The following COL1A1 variants were observed in gnomAD, a reference collection of about 807,000 sequenced individuals.
COL1A1 encodes the protein collagen alpha-1(I) chain.
COL1A1 carries 21 observed loss-of-function variants against 195.7 expected under a neutral mutation model. That is an observed-to-expected ratio of 0.11 (90% CI 0.08 to 0.15). COL1A1 has a LOEUF of 0.15. Ranked by LOEUF, COL1A1 falls within the 10% of genes least tolerant of loss-of-function variation. The pLI is 1.00. For missense variants in COL1A1, 1,365 were observed against 2,051.0 expected, an observed-to-expected ratio of 0.67 and a Z score of 6.46; for synonymous variants, 749 against 747.3, an observed-to-expected ratio of 1.00 and a Z score of -0.04.
At position 50,195,085 on chromosome 17, in the gene COL1A1, G is replaced by T; in HGVS notation, c.1315C>A (p.Pro439Thr). 6.2e-7 allele frequency: 1 copy of T among 1,613,770 alleles called. No individual in the cohort carries two copies. Among genetic ancestry groups the T allele is most frequent in the Non-Finnish European group, 8.5e-7 (1 of 1,179,854 alleles). The stretch of plus-strand genomic sequence containing the variant: ...GCACCAGTGTCTCCTTTGCTGCCAG[G>T]AGCACCAGGTTCACCCTGCAAGGGG... ...PKGNSGEPGA[P>T]GSKGDTGAKG... The change falls in exon 20 of 51, where the codon CCT becomes ACT. Residue 439 changes from proline to threonine, a missense_variant. Coordinates refer to ENST00000225964, the MANE Select transcript of COL1A1 (RefSeq NM_000088.4). This position sits in a 1 kb window ranked among gnomAD's most constrained non-coding sequence, Gnocchi z 4.3.
chr17:50,185,545 T>A lies in COL1A1; in HGVS notation c.4352A>T (p.Asp1451Val). The change falls in exon 51 of 51, where the codon GAC becomes GTC. Residue 1451 changes from aspartate to valine, a missense_variant. Transcript: ENST00000225964. ...DVAPLDVGAPDQEFGFDVGPV... is the reference protein window; with the variant it reads ...DVAPLDVGAPVQEFGFDVGPV... ...GCCAACGTCGAAGCCGAATTCCTGG[T>A]CTGGGGCACCAACGTCCAAGGGGGC... The A allele has an allele frequency of 2.5e-6, 4 of 1,613,550 alleles. No homozygotes were observed. Among genetic ancestry groups the A allele is most frequent in the Non-Finnish European group, 3.4e-6 (4 of 1,179,910 alleles).
Position 50,186,621 on chromosome 17 carries a change from G to A in COL1A1, c.3814+19C>T, listed in dbSNP as rs780452624. On this transcript the variant is annotated intron_variant, in intron 48 of 50. Transcript: ENST00000225964. The surrounding 1 kb of genome is among the most constrained non-coding windows in gnomAD (Gnocchi z 5.3). ...ATGGCAGGAGTAGGAGGGAGGGAGA[G>A]GCTAGGGCAGGCCCTCACCACTCTT... The A allele has an allele frequency of 4.2e-5, 67 of 1,613,266 alleles. No homozygotes were observed. Among genetic ancestry groups the A allele is most frequent in the Non-Finnish European group, 5.6e-5 (66 of 1,180,012 alleles).
chr17:50,196,887 C>T, intron 11 of COL1A1, 123 bp downstream of exon 11: 1 of 1,224,860 alleles, frequency 8.2e-7, no homozygotes. Flanking sequence ...ACTCTCTGTC[C>T]CTTGGGACTT....
chr17:50,192,624 A>G lies in COL1A1; in HGVS notation c.1929+16T>C. ...TACCCCTACCTCCCAGCATCCTGAC[A>G]GCCATGAGGCCTCACCTGGAATCCG... On this transcript the variant is annotated intron_variant, in intron 28 of 50. Transcript: ENST00000225964. 3 of 1,614,186 alleles carry G rather than the reference A, an allele frequency of 1.9e-6. No homozygotes were observed. The highest frequency in any genetic ancestry group is 2.5e-6 in the Non-Finnish European group (3 of 1,180,022).
At position 50,186,126 on chromosome 17, in the gene COL1A1, A is replaced by G. The variant is rs541171287; in HGVS notation, c.4006-106T>C. 6.4e-7 allele frequency: 1 copy of G among 1,560,018 alleles called. No homozygotes were observed. The highest frequency in any genetic ancestry group is 2.3e-5 in the East Asian group (1 of 43,754). On this transcript the variant is annotated intron_variant, in intron 49 of 50. Coordinates refer to ENST00000225964, the MANE Select transcript of COL1A1 (RefSeq NM_000088.4). The surrounding 1 kb of genome is among the most constrained non-coding windows in gnomAD (Gnocchi z 5.3). The stretch of plus-strand genomic sequence containing the variant: ...TCAGAGAGCTGCCCAATGCACCGTT[A>G]TATCGAGAGGAGGCACCACCTGCCC...
rs1906414916 is a variant in COL1A1 at position 50,185,505 on chromosome 17, C to T, written c.4392G>A (p.Leu1464=). 4 of 1,613,346 alleles carry T rather than the reference C, an allele frequency of 2.5e-6. No homozygotes were observed. Among genetic ancestry groups the T allele is most frequent in the Non-Finnish European group, 3.4e-6 (4 of 1,179,952 alleles). Residue 1464 remains leucine, a synonymous_variant, in exon 51 of 51, where the codon CTG becomes CTA. Coordinates refer to ENST00000225964, the MANE Select transcript of COL1A1 (RefSeq NM_000088.4). ...GCCAGGTTGGGATGGAGGGAGTTTA[C>T]AGGAAGCAGACAGGGCCAACGTCGA... ...FGFDVGPVCF[L] is the part of the protein sequence containing the mutation.
rs754555549 is a variant in COL1A1, at chr17:50,185,787, A to G, written c.4239T>C (p.Asp1413=). Residue 1413 remains aspartate, a synonymous_variant, in exon 50 of 51, where the codon GAT becomes GAC. Coordinates refer to ENST00000225964, the MANE Select transcript of COL1A1 (RefSeq NM_000088.4). Reference sequence around the variant, plus strand: ...GATTCTGGGCACTCACCGTGCAGCCATCGACAGTGACGCTGTAGGTGAAGC... The same window carrying G: ...GATTCTGGGCACTCACCGTGCAGCCGTCGACAGTGACGCTGTAGGTGAAGC... ...NSRFTYSVTV[D]GCTSHTGAWG... 7.4e-6 allele frequency: 12 copies of G among 1,613,744 alleles called. No individual in the cohort carries two copies. Among genetic ancestry groups the G allele is most frequent in the Admixed American group, 3.3e-5 (2 of 60,018 alleles).
rs780678795 is a variant in COL1A1, at chr17:50,198,166, C to T, written c.583G>A (p.Ala195Thr). Residue 195 changes from alanine to threonine, a missense_variant, in exon 7 of 51, where the codon GCA becomes ACA. By Grantham distance (58) the Ala-to-Thr change is moderately conservative. This residue lies in a region of COL1A1 where 226 missense variants were observed against 372.9 expected (regional missense o/e 0.61). Transcript: ENST00000225964. ...AAGACGTCCTGGATACTCACAGGTG[C>T]ACCAGGGGGGCCAGGGAGACCACGA... Reference protein sequence around the residue: ...GPRGLPGPPGAPGPQGFQGPP... With the variant: ...GPRGLPGPPGTPGPQGFQGPP... 2 of 1,614,096 alleles carry T rather than the reference C, an allele frequency of 1.2e-6. No individual in the cohort carries two copies. Among genetic ancestry groups the T allele is most frequent in the Admixed American group, 3.3e-5 (2 of 60,028 alleles).
At position 50,196,326 on chromosome 17, in the gene COL1A1, G is replaced by T. The variant is rs780242725; in HGVS notation, c.945C>A (p.Ala315=). 6 of 1,609,732 alleles carry T rather than the reference G, an allele frequency of 3.7e-6. No homozygotes were observed. In the East Asian group the frequency reaches 1.3e-4, roughly 36 times the overall value. The stretch of plus-strand genomic sequence containing the variant: ...CAGGAGTACTTACAGCAGGGCCAGG[G>T]GCTCCAGGGCGACCTCTCTCACCAG... ...GLPGERGRPG[A]PGPAGARGND... Residue 315 remains alanine (A), a synonymous_variant, in exon 14 of 51, where the codon GCC becomes GCA. Coordinates refer to ENST00000225964, the MANE Select transcript of COL1A1 (RefSeq NM_000088.4).
At position 50,199,811 on chromosome 17, in the gene COL1A1, G is replaced by A. The variant is rs1287629511; in HGVS notation, c.240C>T (p.Asn80=). The A allele has an allele frequency of 6.2e-7, 1 of 1,614,090 alleles. No individual in the cohort carries two copies. Among genetic ancestry groups the A allele is most frequent in the Non-Finnish European group, 8.5e-7 (1 of 1,180,012 alleles). The change falls in exon 2 of 51, where the codon AAC becomes AAT. Residue 80 remains asparagine (N), a synonymous_variant. Coordinates refer to ENST00000225964, the MANE Select transcript of COL1A1 (RefSeq NM_000088.4). ...CCTCGGGGACTTCGGCGCCGGGGCA[G>A]TTCTTGGTCTCGTCACAGATCACGT... ...CDDVICDETK[N]CPGAEVPEGE...
chr17:50,187,602 C>T (rs1218048726), intron 45 of COL1A1, 65 bp from the exon 46 acceptor site: 7 of 1,572,220 alleles, frequency 4.5e-6, no homozygotes, highest in Non-Finnish European at 6.1e-6. Flanking sequence ...GAGGGCCTGG[C>T]TGGAGAGACA....
rs751890158 is a variant in COL1A1, at chr17:50,190,554, G to C, written c.2386C>G (p.Arg796Gly). ...PSGPAGPTGA[R>G]GAPGDRGEPG... ...TCTTCTGTACTTACGGGGGCACCAC[G>C]AGCTCCAGTGGGACCAGCAGGGCCG... is the stretch of plus-strand genomic sequence containing the variant. Residue 796 changes from arginine (R) to glycine (G), a missense_variant, in exon 34 of 51, where the codon CGT (arginine) becomes GGT (glycine). This residue lies in a region of COL1A1 where 671 missense variants were observed against 1,099.9 expected (regional missense o/e 0.61). Coordinates refer to ENST00000225964, the MANE Select transcript of COL1A1 (RefSeq NM_000088.4). This position sits in a 1 kb window ranked among gnomAD's most constrained non-coding sequence, Gnocchi z 4.7. The C allele has an allele frequency of 1.8e-5, 29 of 1,612,464 alleles. No homozygotes were observed. Among genetic ancestry groups the C allele is most frequent in the Non-Finnish European group, 2.5e-5 (29 of 1,179,074 alleles).
rs772638625 is a variant in COL1A1, at chr17:50,192,037, G to T, written c.1984-13C>A. On this transcript the variant is annotated splice_polypyrimidine_tract_variant and intron_variant, in intron 29 of 50. Coordinates refer to ENST00000225964, the MANE Select transcript of COL1A1 (RefSeq NM_000088.4). ...CTCCAGGAACACCCTGAGGGGGAGG[G>T]AGAGAGGAACAGACAGTGAGCAAAA... The T allele has an allele frequency of 2.0e-5, 32 of 1,611,204 alleles. No homozygotes were observed. In the Admixed American group the frequency reaches 5.4e-4, roughly 27 times the overall value.
In COL1A1 at chr17:50,187,465, GA is replaced by G; in HGVS notation, c.3423+18del. ...CTGGGCTTGGGGCTCAGGAAGAGGA[GA>G]GAGAAGGCATGACTTACTCGGGGAC... On this transcript the variant is annotated intron_variant, in intron 46 of 50. Transcript: ENST00000225964. 1.2e-6 allele frequency: 2 copies of G among 1,613,842 alleles called. No homozygotes were observed. The highest frequency in any genetic ancestry group is 1.7e-6 in the Non-Finnish European group (2 of 1,179,846).
Position 50,185,500 on chromosome 17 carries a change from G to A in COL1A1, c.*2C>T. 1 of 1,613,796 alleles carries A rather than the reference G, an allele frequency of 6.2e-7. No homozygotes were observed. ...AGGGAGCCAGGTTGGGATGGAGGGA[G>A]TTTACAGGAAGCAGACAGGGCCAAC... is the stretch of plus-strand genomic sequence containing the variant. On this transcript the variant is annotated 3_prime_UTR_variant, in exon 51 of 51. Coordinates refer to ENST00000225964, the MANE Select transcript of COL1A1 (RefSeq NM_000088.4).
Position 50,185,201 on chromosome 17 carries a change from A to T in COL1A1, c.*301T>A. On this transcript the variant is annotated 3_prime_UTR_variant, in exon 51 of 51. Coordinates refer to ENST00000225964, the MANE Select transcript of COL1A1 (RefSeq NM_000088.4). ...CGGGCAGAAAGGGACTTACCCCCGC[A>T]TGGGTCTTCAAGCAAGTGGACCAAG... The T allele has an allele frequency of 2.6e-6, 1 of 390,914 alleles. No individual in the cohort carries two copies. The highest frequency in any genetic ancestry group is 4.6e-6 in the Non-Finnish European group (1 of 215,884). 24.2% of individuals were successfully genotyped at this position (390,914 alleles called of 1,614,324 possible).
rs189542584 is a variant in COL1A1, at chr17:50,199,182, A to G, written c.471+44T>C. Reference sequence around the variant, plus strand: ...AATTATGTCATCTGCCAAAAAACAAAAACAAAACAGGGGAGAGTGGACACA... The same window carrying G: ...AATTATGTCATCTGCCAAAAAACAAGAACAAAACAGGGGAGAGTGGACACA... On this transcript the variant is annotated intron_variant, in intron 5 of 50. Coordinates refer to ENST00000225964, the MANE Select transcript of COL1A1 (RefSeq NM_000088.4). The G allele has an allele frequency of 9.1e-4, 1,298 of 1,430,320 alleles. 13 individuals carry two copies. The African/African-American group carries it at 0.017, about 18-fold the overall frequency. The allele number at this position is 1,430,320 out of a possible 1,614,324, so 88.6% of individuals were successfully genotyped here. A position where few individuals can be genotyped will look rare whatever the true frequency, so the allele number is the denominator to read the frequency against.
Position 50,197,016 on chromosome 17 carries a change from T to A in COL1A1, c.798A>T (p.Gly266=). Residue 266 remains glycine (G), a synonymous_variant, in exon 11 of 51, where the codon GGA becomes GGT. Transcript: ENST00000225964. The part of the protein sequence containing the change: ...PGTAGLPGMK[G]HRGFSGLDGA... Reference sequence around the variant, plus strand: ...TGACTCAAAGGTGACTCACTCTGTGTCCCTTCATTCCAGGGAGGCCAGCTG... The same window carrying A: ...TGACTCAAAGGTGACTCACTCTGTGACCCTTCATTCCAGGGAGGCCAGCTG... 6.2e-7 allele frequency: 1 copy of A among 1,613,990 alleles called. No homozygotes were observed.
chr17:50,188,831 G>C lies in COL1A1; in HGVS notation c.3046-36C>G. 1 of 1,611,964 alleles carries C rather than the reference G, an allele frequency of 6.2e-7. No individual in the cohort carries two copies. The highest frequency in any genetic ancestry group is 8.5e-7 in the Non-Finnish European group (1 of 1,178,162). On this transcript the variant is annotated intron_variant, in intron 41 of 50. Transcript: ENST00000225964. The surrounding 1 kb of genome is among the most constrained non-coding windows in gnomAD (Gnocchi z 5.6). ...AGAGAGAGAGAAGTGAGAGTCAGCCGGGGAAGAGGGCTTAGGCAAGGCCAC... is the reference window on the plus strand; with the variant it reads ...AGAGAGAGAGAAGTGAGAGTCAGCCCGGGAAGAGGGCTTAGGCAAGGCCAC...
Sources: gnomAD v4.1 joint callset for allele counts on GRCh38, gnomAD v4.1.1 for gene constraint, gnomAD v4.1.1 regional missense constraint, Gnocchi (gnomAD v3.1) non-coding constraint, MANE v1.5 for transcripts, NCBI Gene and HGNC (gene_info 2026-07-23, HGNC 2026-07-21) for gene names.